GRM8: variants seen among roughly 807,000 people sequenced by gnomAD.
GRM8 encodes glutamate metabotropic receptor 8, also known as metabotropic glutamate receptor 8.
GRM8 carries 47 observed loss-of-function variants against 87.2 expected under a neutral mutation model. That is an observed-to-expected ratio of 0.54 (90% CI 0.43 to 0.69). GRM8 has a LOEUF of 0.69. Ranked by LOEUF, GRM8 falls within the 30% of genes least tolerant of loss-of-function variation. The pLI is 0.00. For synonymous variants in GRM8, 396 were observed against 404.5 expected, an observed-to-expected ratio of 0.98 and a Z score of 0.25; for missense variants, 1,019 against 1,139.2, an observed-to-expected ratio of 0.89 and a Z score of 1.52.
chr7:126,729,446 C>T (rs1172456899), intron 7 of GRM8, among the ~76,000 whole-genome samples: 1 of 152,144 alleles, frequency 6.6e-6, no homozygotes, highest in African/African-American at 2.4e-5. Context: ...CATGTCGATT[C>T]CAGAAGTCTG....
intron 9 of GRM8, among the ~76,000 whole-genome samples, chr7:126,527,612 T>G (rs971409242): frequency 6.6e-6 from 1 of 152,228 alleles, no homozygotes; most frequent in African/African-American, 2.4e-5. Context: ...ATTTTCAGGC[T>G]GTTCTTTTCT....
At chr7:127,039,439 G>C (rs17866946) in intron 3 of GRM8, among the ~76,000 whole-genome samples, 1,565 of 152,048 alleles carry the variant, frequency 0.01, 30 homozygotes, top group African/African-American at 0.035. Flanking sequence ...TTAACATCCA[G>C]AATTTTGGGA....
intron 2 of GRM8, among the ~76,000 whole-genome samples, chr7:127,240,151 A>T (rs1197685937): frequency 6.6e-6 from 1 of 152,154 alleles, no homozygotes; most frequent in Non-Finnish European, 1.5e-5. Context: ...CCTCTCACCC[A>T]GTCAGATGGG....
At chr7:127,130,970 G>A (rs1463390669) in intron 2 of GRM8, among the ~76,000 whole-genome samples, 1 of 152,184 alleles carries the variant, frequency 6.6e-6, no homozygotes, top group African/African-American at 2.4e-5. Flanking sequence ...CCCAGTCTCA[G>A]GTAATAATTT....
intron 6 of GRM8, among the ~76,000 whole-genome samples, chr7:126,817,845 A>T (rs1793933531): frequency 1.3e-5 from 2 of 152,272 alleles, no homozygotes; most frequent in South Asian, 4.1e-4. Context: ...TGAAAATATC[A>T]TACATTCATT....
At chr7:126,753,133 C>A (rs1422277518) in intron 7 of GRM8, among the ~76,000 whole-genome samples, 1 of 151,946 alleles carries the variant, frequency 6.6e-6, no homozygotes, top group African/African-American at 2.4e-5. Context: ...GAGCATTGAA[C>A]ATAGAATTGA....
chr7:127,106,742 C>T (rs1825842222), intron 2 of GRM8, 30 bp from the exon 3 acceptor site: 30 of 1,448,446 alleles, frequency 2.1e-5, no homozygotes, highest in Non-Finnish European at 2.9e-5. Context: ...TCATTTCAAC[C>T]CATGACGAAT....
At chr7:126,872,812 C>G (rs77934992) in intron 6 of GRM8, among the ~76,000 whole-genome samples, 1 of 151,886 alleles carries the variant, frequency 6.6e-6, no homozygotes, top group African/African-American at 2.4e-5. Context: ...ATTTCATCAT[C>G]GAAGAAAATA....
chr7:126,634,616 AAC>A (rs2151184370), intron 7 of GRM8, among the ~76,000 whole-genome samples: 1 of 152,064 alleles, frequency 6.6e-6, no homozygotes, highest in Admixed American at 6.6e-5. Flanking sequence ...CCAGTCCTCC[AAC>A]ACACCTAGAA....
At chr7:126,501,842 G>A (rs1419546805) in intron 9 of GRM8, among the ~76,000 whole-genome samples, 2 of 151,984 alleles carry the variant, frequency 1.3e-5, no homozygotes, top group African/African-American at 4.8e-5. Flanking sequence ...GGTCTGGGCA[G>A]GCCAACTGTC....
intron 7 of GRM8, among the ~76,000 whole-genome samples, chr7:126,739,370 T>C (rs1162127969): frequency 6.6e-6 from 1 of 151,768 alleles, no homozygotes. Flanking sequence ...GTGAATCACC[T>C]TGAGATTCCA....
intron 2 of GRM8, among the ~76,000 whole-genome samples, chr7:127,145,236 C>T (rs534236401): frequency 2.0e-3 from 310 of 152,228 alleles, no homozygotes; most frequent in African/African-American, 5.8e-3. Flanking sequence ...TAAGCCCAAA[C>T]TAATCACGAT....
At chr7:127,210,861 C>A (rs1796172520) in intron 2 of GRM8, among the ~76,000 whole-genome samples, 1 of 152,168 alleles carries the variant, frequency 6.6e-6, no homozygotes, top group Non-Finnish European at 1.5e-5. Flanking sequence ...ATATAGGTAC[C>A]AAGGTACTAT....
intron 3 of GRM8, among the ~76,000 whole-genome samples, chr7:126,935,233 G>T (rs1157532578): frequency 6.6e-6 from 1 of 152,088 alleles, no homozygotes; most frequent in African/African-American, 2.4e-5. Context: ...TGTTTGTGTA[G>T]ATCACTTTAG....
intron 6 of GRM8, among the ~76,000 whole-genome samples, chr7:126,884,920 C>G (rs1178223720): frequency 1.3e-5 from 2 of 152,156 alleles, no homozygotes; most frequent in Non-Finnish European, 2.9e-5. Context: ...AGAGTTAAGA[C>G]AAGTTAGGGG....
At chr7:126,689,244 A>G (rs866843610) in intron 7 of GRM8, among the ~76,000 whole-genome samples, 3 of 152,124 alleles carry the variant, frequency 2.0e-5, no homozygotes, top group East Asian at 1.9e-4. Flanking sequence ...TTCCCCCAAT[A>G]AAGCCTGTTC....
intron 3 of GRM8, among the ~76,000 whole-genome samples, chr7:127,093,859 C>T (rs560978212): frequency 6.6e-6 from 1 of 152,322 alleles, no homozygotes; most frequent in African/African-American, 2.4e-5. Flanking sequence ...GTCAAACATG[C>T]AGATCCTAGA....
At position 126,769,801 on chromosome 7, in the gene GRM8, T is replaced by C. The variant is rs188347919; in HGVS notation, c.1357+64A>G. The C allele has an allele frequency of 2.2e-5, 23 of 1,035,718 alleles. No homozygotes were observed. The East Asian group carries it at 3.8e-4, about 17-fold the overall frequency. 64.2% of individuals were successfully genotyped at this position (1,035,718 alleles called of 1,614,324 possible). A position where few individuals can be genotyped will look rare whatever the true frequency, so the allele number is the denominator to read the frequency against. On this transcript the variant is annotated intron_variant, in intron 7 of 10. Coordinates refer to ENST00000339582, the MANE Select transcript of GRM8 (RefSeq NM_000845.3). ...CCACTCTGCCTGGGTATCTTCTATA[T>C]ATAGGAGGAAAAACACACCCTGTCG...
At chr7:126,912,836 G>C (rs926446790) in intron 3 of GRM8, among the ~76,000 whole-genome samples, 1 of 152,044 alleles carries the variant, frequency 6.6e-6, no homozygotes, top group African/African-American at 2.4e-5. Context: ...TGCCTTATAA[G>C]GCAAATAATT....
Sources: allele counts gnomAD v4.1 joint callset (sites outside exome capture counted in the v4.1 genomes callset), GRCh38; gene constraint gnomAD v4.1.1; transcripts MANE v1.5; gene names NCBI Gene and HGNC (gene_info 2026-07-23, HGNC 2026-07-21).